The following HIBADH variants were observed in gnomAD, a reference collection of about 807,000 sequenced individuals.
HIBADH encodes 3-hydroxyisobutyrate dehydrogenase, mitochondrial.
In HIBADH, 25 loss-of-function variants were observed where a neutral mutation model predicts 36.1. The observed-to-expected ratio is 0.69, with a 90% CI of 0.50 to 0.97. The LOEUF (loss-of-function observed/expected upper bound fraction) is 0.97, where lower values mean the gene tolerates loss of function less well. Among genes scored for constraint, HIBADH ranks in the 50% least tolerant of loss-of-function variants. The pLI, the probability that HIBADH is intolerant of heterozygous loss-of-function variation, is 0.00. For missense variants in HIBADH, 421 were observed against 418.0 expected, an observed-to-expected ratio of 1.01 and a Z score of -0.06; for synonymous variants, 160 against 149.5, an observed-to-expected ratio of 1.07 and a Z score of -0.51.
At chr7:27,596,061 T>C (rs2110526) in intron 4 of HIBADH, among the ~76,000 whole-genome samples, 115,117 of 152,134 alleles carry the variant, frequency 0.76, 43,979 homozygotes, top group East Asian at 0.94. Flanking sequence ...CAACAAAACA[T>C]CTGACACTGG....
chr7:27,635,800 TCTC>T (rs1393308922), intron 2 of HIBADH, among the ~76,000 whole-genome samples: 2 of 152,196 alleles, frequency 1.3e-5, no homozygotes, highest in Non-Finnish European at 2.9e-5. Context: ...CCCAGACAGA[TCTC>T]CTGCTAATTC....
At chr7:27,634,735 C>T (rs1785807648) in intron 2 of HIBADH, among the ~76,000 whole-genome samples, 1 of 152,224 alleles carries the variant, frequency 6.6e-6, no homozygotes, top group Non-Finnish European at 1.5e-5. Flanking sequence ...ATTCCATCTA[C>T]ATAACTCCTT....
At chr7:27,659,814 T>C (rs118180696) in intron 1 of HIBADH, among the ~76,000 whole-genome samples, 5,202 of 152,242 alleles carry the variant, frequency 0.034, 118 homozygotes, top group South Asian at 0.093. Flanking sequence ...GCCCAACACT[T>C]TGGGAGGTCA....
chr7:27,642,866 T>C (rs1025160698), intron 2 of HIBADH, among the ~76,000 whole-genome samples: 20 of 152,114 alleles, frequency 1.3e-4, no homozygotes, highest in Non-Finnish European at 2.9e-4. Flanking sequence ...TTAGCCGGGA[T>C]GGTCTCGATC....
chr7:27,656,767 G>A (rs1344367543), intron 1 of HIBADH, among the ~76,000 whole-genome samples: 3 of 152,180 alleles, frequency 2.0e-5, no homozygotes, highest in Admixed American at 6.5e-5. Context: ...AATAAATGAA[G>A]TGGCACAGTG....
At chr7:27,593,313 C>T (rs924699484) in intron 4 of HIBADH, among the ~76,000 whole-genome samples, 2 of 152,088 alleles carry the variant, frequency 1.3e-5, no homozygotes, top group Non-Finnish European at 2.9e-5. Context: ...AAATCCAAAA[C>T]GCTTCAGGTC....
At chr7:27,642,853 G>C (rs1052067362) in intron 2 of HIBADH, among the ~76,000 whole-genome samples, 2 of 151,742 alleles carry the variant, frequency 1.3e-5, no homozygotes, top group Non-Finnish European at 1.5e-5. Flanking sequence ...GGGTTTCACC[G>C]TTTTAGCCGG....
intron 4 of HIBADH, among the ~76,000 whole-genome samples, chr7:27,624,492 T>C (rs963603885): frequency 1.3e-5 from 2 of 152,356 alleles, no homozygotes; most frequent in East Asian, 1.9e-4. Context: ...CATCAGTTAT[T>C]TACTGCTACA....
chr7:27,530,363 G>A (rs538247209), intron 7 of HIBADH, among the ~76,000 whole-genome samples: 1 of 152,068 alleles, frequency 6.6e-6, no homozygotes, highest in East Asian at 1.9e-4. Context: ...GCACCACCAC[G>A]CCCGACTAAT....
chr7:27,590,062 G>GA (rs35359839), intron 4 of HIBADH, among the ~76,000 whole-genome samples: 2 of 151,890 alleles, frequency 1.3e-5, no homozygotes, highest in Admixed American at 6.6e-5. Context: ...ATTTTGGTGA[G>GA]AAAAAAAGAA....
At chr7:27,592,717 C>G (rs1003871405) in intron 4 of HIBADH, among the ~76,000 whole-genome samples, 5 of 152,314 alleles carry the variant, frequency 3.3e-5, no homozygotes, top group Admixed American at 2.0e-4. Flanking sequence ...TCACTTGTCT[C>G]CCAGCTTTTA....
At chr7:27,659,538 G>A (rs1161461379) in intron 1 of HIBADH, among the ~76,000 whole-genome samples, 2 of 151,538 alleles carry the variant, frequency 1.3e-5, no homozygotes, top group Non-Finnish European at 2.9e-5. Flanking sequence ...AACATGGTGA[G>A]ACCCCATCTC....
intron 4 of HIBADH, among the ~76,000 whole-genome samples, chr7:27,572,665 C>T (rs1010746802): frequency 2.0e-5 from 3 of 152,124 alleles, no homozygotes; most frequent in Non-Finnish European, 4.4e-5. Context: ...ATCTCTAGAT[C>T]ACTTCAATTT....
chr7:27,586,688 A>G (rs945274071), intron 4 of HIBADH, among the ~76,000 whole-genome samples: 1 of 148,224 alleles, frequency 6.7e-6, no homozygotes, highest in Admixed American at 6.8e-5. Context: ...AAAAGAAAAG[A>G]GGACAGCACT....
intron 4 of HIBADH, among the ~76,000 whole-genome samples, chr7:27,612,302 A>G (rs924433328): frequency 6.6e-6 from 1 of 151,826 alleles, no homozygotes; most frequent in Non-Finnish European, 1.5e-5. Context: ...TTTTAAAGTT[A>G]CATTCTCTTT....
At chr7:27,536,700 T>C (rs933923869) in intron 6 of HIBADH, among the ~76,000 whole-genome samples, 5 of 152,142 alleles carry the variant, frequency 3.3e-5, no homozygotes, top group African/African-American at 1.2e-4. Flanking sequence ...ATACAAAACT[T>C]CATTTTAGAA....
intron 4 of HIBADH, among the ~76,000 whole-genome samples, chr7:27,567,552 CTCTT>C (rs1429519228): frequency 2.6e-5 from 4 of 152,114 alleles, no homozygotes; most frequent in Non-Finnish European, 4.4e-5. Flanking sequence ...TTTAGTTCCT[CTCTT>C]TCTCCTTTCC....
At position 27,645,368 on chromosome 7, in the gene HIBADH, A is replaced by ATGTTTTTTTTTTTTTTTTTTT. The variant is rs1554300959; in HGVS notation, c.252+4104_252+4105insAAAAAAAAAAAAAAAAAAACA. ...CTAGTGGGTGTGTCTCATGGTTTTG[A>ATGTTTTTTTTTTTTTTTTTTT]TTTTTTTTTTTTTTTTTTTTTTTTT... On this transcript the variant is annotated intron_variant, in intron 2 of 7. Coordinates refer to ENST00000265395, the MANE Select transcript of HIBADH (RefSeq NM_152740.4). Among the ~76,000 whole-genome samples the ATGTTTTTTTTTTTTTTTTTTT allele has an allele frequency of 2.3e-3, 139 of 59,644 alleles. 38 individuals carry two copies. In the Middle Eastern group the frequency reaches 0.037, roughly 16 times the overall value. The allele number at this position is 59,644 out of a possible 152,430, so 39.1% of individuals were successfully genotyped here.
chr7:27,579,990 T>C (rs1212518058), intron 4 of HIBADH, among the ~76,000 whole-genome samples: 1 of 148,858 alleles, frequency 6.7e-6, no homozygotes, highest in African/African-American at 2.4e-5. Flanking sequence ...TGCATGTATT[T>C]CAAAATACAT....
Sources: gnomAD v4.1 joint callset for allele counts (sites outside exome capture counted in the v4.1 genomes callset) on GRCh38, gnomAD v4.1.1 for gene constraint, MANE v1.5 for transcripts, NCBI Gene and HGNC (gene_info 2026-07-23, HGNC 2026-07-21) for gene names.